The following PTPN13 variants were observed in gnomAD, a reference collection of about 807,000 sequenced individuals.
The protein encoded by PTPN13 is protein tyrosine phosphatase non-receptor type 13.
In PTPN13, 191 loss-of-function variants were observed where a neutral mutation model predicts 284.0. That is an observed-to-expected ratio of 0.67 (90% CI 0.60 to 0.76). The LOEUF is 0.76. Ranked by LOEUF, PTPN13 falls within the 30% of genes least tolerant of loss-of-function variation. The pLI, the probability that PTPN13 is intolerant of heterozygous loss-of-function variation, is 0.00. For synonymous variants in PTPN13, 986 were observed against 1,022.3 expected, an observed-to-expected ratio of 0.96 and a Z score of 0.68; for missense variants, 2,797 against 2,939.9, an observed-to-expected ratio of 0.95 and a Z score of 1.12.
chr4:86,694,682 G>A (rs1341202221), intron 6 of PTPN13, among the ~76,000 whole-genome samples: 1 of 150,724 alleles, frequency 6.6e-6, no homozygotes, highest in Non-Finnish European at 1.5e-5. Flanking sequence ...CTACTTTCAG[G>A]CATGGCTTAT....
chr4:86,698,682 C>T (rs1234084885), intron 6 of PTPN13, among the ~76,000 whole-genome samples: 1 of 152,098 alleles, frequency 6.6e-6, no homozygotes, highest in African/African-American at 2.4e-5. Flanking sequence ...CCAGCTTTTA[C>T]TGAGAAGTAA....
intron 2 of PTPN13, among the ~76,000 whole-genome samples, chr4:86,644,731 A>G (rs1201012018): frequency 6.6e-6 from 1 of 152,194 alleles, no homozygotes; most frequent in East Asian, 1.9e-4. Context: ...GAATCCAACA[A>G]TATATAAAAA....
intron 1 of PTPN13, among the ~76,000 whole-genome samples, chr4:86,615,762 A>G (rs567676438): frequency 2.6e-5 from 4 of 152,284 alleles, no homozygotes; most frequent in Non-Finnish European, 5.9e-5. Context: ...CATTGGTCTC[A>G]GTTCTGCATT....
chr4:86,728,657 T>TTTTTTTTTA, intron 10 of PTPN13, among the ~76,000 whole-genome samples: 1 of 103,300 alleles, frequency 9.7e-6, no homozygotes, highest in African/African-American at 3.7e-5. Flanking sequence ...TTTTTTTTTT[T>TTTTTTTTTA]TTTTTTTTTT....
intron 10 of PTPN13, among the ~76,000 whole-genome samples, chr4:86,729,683 G>T (rs1269699868): frequency 6.7e-6 from 1 of 149,586 alleles, no homozygotes; most frequent in South Asian, 2.1e-4. Flanking sequence ...ATGGTTTTCT[G>T]CTCCATCAGG....
chr4:86,712,870 G>T (rs1266531351), intron 7 of PTPN13, among the ~76,000 whole-genome samples: 1 of 151,972 alleles, frequency 6.6e-6, no homozygotes, highest in African/African-American at 2.4e-5. Flanking sequence ...GTGTCAGAAT[G>T]AACTGAAGAA....
chr4:86,770,256 T>G (rs1739835670), intron 30 of PTPN13, 57 bp downstream of exon 30: 16 of 1,442,086 alleles, frequency 1.1e-5, no homozygotes, highest in Non-Finnish European at 1.5e-5. Flanking sequence ...AGCAACTAAC[T>G]AATTCAGCTG....
intron 7 of PTPN13, among the ~76,000 whole-genome samples, chr4:86,706,711 A>C (rs1270192385): frequency 1.3e-5 from 2 of 152,212 alleles, no homozygotes; most frequent in Non-Finnish European, 2.9e-5. Flanking sequence ...TTGTAGTTGA[A>C]ATTGAAAAAT....
intron 36 of PTPN13, 104 bp from the exon 37 acceptor site, chr4:86,782,097 A>T (rs957445154): frequency 6.5e-6 from 5 of 763,954 alleles, no homozygotes; most frequent in Non-Finnish European, 1.1e-5. Flanking sequence ...GTGTACTAAT[A>T]AAAATAACAA....
Position 86,761,886 on chromosome 4 carries a change from AC to A in PTPN13, c.3554-840del, listed in dbSNP as rs552022889. On this transcript the variant is annotated intron_variant, in intron 23 of 47. Transcript: ENST00000411767. ...CCCTTGTTGTCAATTACTACATAAA[AC>A]TTTTAATTTCATATAAATTCTCATC... 1.1e-4 allele frequency among the ~76,000 whole-genome samples: 17 copies of A among 152,242 alleles called. No homozygotes were observed. The South Asian group carries it at 3.5e-3, about 32-fold the overall frequency.
chr4:86,599,754 CA>C (rs1284196758), intron 1 of PTPN13, among the ~76,000 whole-genome samples: 1 of 152,090 alleles, frequency 6.6e-6, no homozygotes, highest in Non-Finnish European at 1.5e-5. Flanking sequence ...AGAAATACCA[CA>C]TTTTTTATAC....
At chr4:86,716,399 C>T (rs764302706) in intron 7 of PTPN13, 131 bp from the exon 8 acceptor site, 4 of 606,632 alleles carry the variant, frequency 6.6e-6, no homozygotes, top group African/African-American at 5.6e-5. Context: ...TATTTGAATA[C>T]ACTCCAGCAA....
At chr4:86,745,379 G>A (rs888428225) in intron 17 of PTPN13, among the ~76,000 whole-genome samples, 8 of 152,308 alleles carry the variant, frequency 5.3e-5, no homozygotes, top group African/African-American at 1.9e-4. Flanking sequence ...GCTAGTTGAT[G>A]TAAACATTAT....
At chr4:86,640,155 C>T (rs1301602403) in intron 2 of PTPN13, among the ~76,000 whole-genome samples, 1 of 152,118 alleles carries the variant, frequency 6.6e-6, no homozygotes, top group Admixed American at 6.5e-5. Context: ...AGGGCCCACA[C>T]ATCAGTGCTA....
chr4:86,632,937 T>G (rs925160819), intron 1 of PTPN13, among the ~76,000 whole-genome samples: 2 of 152,030 alleles, frequency 1.3e-5, no homozygotes, highest in African/African-American at 4.8e-5. Flanking sequence ...GCCTCCTTAA[T>G]AGGTAGGACT....
At chr4:86,697,854 A>G (rs947696064) in intron 6 of PTPN13, among the ~76,000 whole-genome samples, 1 of 152,206 alleles carries the variant, frequency 6.6e-6, no homozygotes, top group African/African-American at 2.4e-5. Context: ...TTAATCACAT[A>G]TAACAAAAAT....
intron 5 of PTPN13, among the ~76,000 whole-genome samples, chr4:86,690,626 A>G (rs1442152087): frequency 1.3e-5 from 2 of 152,144 alleles, no homozygotes; most frequent in East Asian, 3.9e-4. Context: ...TTCCTATTAG[A>G]CAGTCCAGGG....
intron 10 of PTPN13, among the ~76,000 whole-genome samples, chr4:86,730,530 G>A (rs1046966625): frequency 2.0e-5 from 3 of 149,676 alleles, no homozygotes; most frequent in Admixed American, 6.7e-5. Flanking sequence ...TCCCTCCCCC[G>A]ACCAGGCTGC....
At chr4:86,786,998 G>A (rs939431363) in intron 40 of PTPN13, among the ~76,000 whole-genome samples, 50 of 151,854 alleles carry the variant, frequency 3.3e-4, no homozygotes, top group East Asian at 1.4e-3. Context: ...CCAGCCCCTC[G>A]GGAGGCTGAG....
Sources: gnomAD v4.1 joint callset for allele counts (sites outside exome capture counted in the v4.1 genomes callset) on GRCh38, gnomAD v4.1.1 for gene constraint, MANE v1.5 for transcripts, NCBI Gene and HGNC (gene_info 2026-07-23, HGNC 2026-07-21) for gene names.